GOT2: variants seen among roughly 807,000 people sequenced by gnomAD.
GOT2 encodes aspartate aminotransferase, mitochondrial.
Under a neutral mutation model 50.0 loss-of-function variants are expected in GOT2, and 17 were observed. The observed-to-expected ratio is 0.34, with a 90% confidence interval of 0.23 to 0.51. GOT2 has a LOEUF of 0.51. GOT2 is among the 20% of genes least tolerant of loss of function. GOT2 has a pLI of 0.97. For missense variants in GOT2, 430 were observed against 559.6 expected, an observed-to-expected ratio of 0.77 and a Z score of 2.34; for synonymous variants, 172 against 204.9, an observed-to-expected ratio of 0.84 and a Z score of 1.37.
chr16:58,728,974 A>G (rs950695964), intron 1 of GOT2, among the ~76,000 whole-genome samples: 1 of 152,138 alleles, frequency 6.6e-6, no homozygotes, highest in African/African-American at 2.4e-5. Flanking sequence ...GGCGTGAGCT[A>G]CCGCACCCGG....
At chr16:58,716,319 C>T (rs1047110061) in intron 7 of GOT2, 140 bp from the exon 8 acceptor site, 45 of 822,242 alleles carry the variant, frequency 5.5e-5, no homozygotes, top group Admixed American at 9.4e-5. Context: ...AAGCTTTCAA[C>T]AACCAGAGTG....
At chr16:58,716,945 A>C in intron 6 of GOT2, 132 bp from the exon 7 acceptor site, 1 of 733,162 alleles carries the variant, frequency 1.4e-6, no homozygotes, top group Non-Finnish European at 2.2e-6. Context: ...TCTGGGGCTA[A>C]CGTAATCCTG....
At chr16:58,725,571 C>T (rs2044777272) in intron 1 of GOT2, among the ~76,000 whole-genome samples, 1 of 152,046 alleles carries the variant, frequency 6.6e-6, no homozygotes, top group South Asian at 2.1e-4. Context: ...ATTTATATAC[C>T]TTTGTTTATT....
chr16:58,713,349 C>CTA (rs1435433603), intron 8 of GOT2, among the ~76,000 whole-genome samples: 1 of 152,018 alleles, frequency 6.6e-6, no homozygotes, highest in Non-Finnish European at 1.5e-5. Flanking sequence ...CCATAAAGAA[C>CTA]TACCCTGAGC....
intron 8 of GOT2, among the ~76,000 whole-genome samples, chr16:58,714,968 T>C (rs2044680183): frequency 6.6e-6 from 1 of 151,208 alleles, no homozygotes; most frequent in Admixed American, 6.6e-5. Flanking sequence ...CAGACTTAAA[T>C]ATATTTCTTA....
In GOT2 at chr16:58,734,157, CGCGGCGGCGAGGCCCGGGTGGAAG is replaced by C. The variant is rs753256036; in HGVS notation, c.48_71del (p.Phe17_Ala24del). The C allele has an allele frequency of 1.5e-5, 20 of 1,333,524 alleles. No individual in the cohort carries two copies. Among genetic ancestry groups the C allele is most frequent in the South Asian group, 2.5e-5 (1 of 40,280 alleles). The allele number at this position is 1,333,524 out of a possible 1,614,324, so 82.6% of individuals were successfully genotyped here. ...TGGCTTACCTGGCTCTGGCAGAGGCCGCGGCGGCGAGGCCCGGGTGGAAGGCGGCGGCGATCCCGGGGAGGACGC... is the reference window on the plus strand; with the variant it reads ...TGGCTTACCTGGCTCTGGCAGAGGCCGCGGCGGCGATCCCGGGGAGGACGC... On this transcript the variant is annotated inframe_deletion, in exon 1 of 10. Transcript: ENST00000245206.
chr16:58,707,376 G>A lies in GOT2; in HGVS notation c.*795C>T. The A allele has an allele frequency of 6.6e-6, 1 of 152,314 alleles. No individual in the cohort carries two copies. Among genetic ancestry groups the A allele is most frequent in the Non-Finnish European group, 1.5e-5 (1 of 68,034 alleles). The allele number at this position is 152,314 out of a possible 1,614,324, so 9.4% of individuals were successfully genotyped here. On this transcript the variant is annotated 3_prime_UTR_variant, in exon 10 of 10. Transcript: ENST00000245206. ...GGGCAGAGACAACATCCCAACTGGA[G>A]AAACTTGCACTATCATTCAAGAGGA...
intron 6 of GOT2, among the ~76,000 whole-genome samples, chr16:58,717,203 G>T (rs1176341649): frequency 6.6e-6 from 1 of 152,076 alleles, no homozygotes; most frequent in Non-Finnish European, 1.5e-5. Flanking sequence ...GTGAGATGCT[G>T]TCTCTGTGAA....
chr16:58,709,410 C>T lies in GOT2; in HGVS notation c.1170+7G>A. 1 of 1,587,554 alleles carries T rather than the reference C, an allele frequency of 6.3e-7. No individual in the cohort carries two copies. Among genetic ancestry groups the T allele is most frequent in the Non-Finnish European group, 8.6e-7 (1 of 1,158,944 alleles). ...TGGTCTGCTGCAGAGAAATCAGAAT[C>T]ACTCACCTGTTCAGGCTTTAGCCCT... On this transcript the variant is annotated splice_region_variant and intron_variant, in intron 9 of 9. Coordinates refer to ENST00000245206, the MANE Select transcript of GOT2 (RefSeq NM_002080.4).
chr16:58,711,232 G>C (rs559109730), intron 8 of GOT2, among the ~76,000 whole-genome samples: 2 of 152,230 alleles, frequency 1.3e-5, no homozygotes, highest in South Asian at 4.1e-4. Context: ...ACCAAGTATG[G>C]AATACGGCCA....
intron 1 of GOT2, chr16:58,733,894 G>A: frequency 2.5e-6 from 1 of 392,772 alleles, no homozygotes; most frequent in Non-Finnish European, 4.5e-6. Flanking sequence ...TGCGTTGCAC[G>A]CCTTCCTGCA....
At chr16:58,720,545 T>C (rs1299242217) in intron 3 of GOT2, among the ~76,000 whole-genome samples, 3 of 151,842 alleles carry the variant, frequency 2.0e-5, no homozygotes, top group Non-Finnish European at 2.9e-5. Context: ...TCACTGTAGG[T>C]CCGATGATAC....
intron 3 of GOT2, among the ~76,000 whole-genome samples, chr16:58,720,772 G>A (rs941154894): frequency 4.0e-5 from 6 of 151,864 alleles, no homozygotes; most frequent in African/African-American, 1.2e-4. Flanking sequence ...AGAGACGGGG[G>A]GGCGGGTCTC....
At chr16:58,719,515 T>C (rs547217865) in intron 3 of GOT2, among the ~76,000 whole-genome samples, 31 of 152,216 alleles carry the variant, frequency 2.0e-4, no homozygotes, top group Admixed American at 9.2e-4. Flanking sequence ...CCCAGAACTT[T>C]AGGAGGCCAA....
chr16:58,709,298 CAA>C lies in GOT2; in HGVS notation c.1170+117_1170+118del. ...AAAACAAAAACAAAACAAAACAAAA[CAA>C]AACAAAACAAAAAACCCGAAAACAT... On this transcript the variant is annotated intron_variant, in intron 9 of 9. Transcript: ENST00000245206. The C allele has an allele frequency of 6.6e-6, 6 of 909,768 alleles. No individual in the cohort carries two copies. The South Asian group carries it at 1.0e-4, about 15-fold the overall frequency. The allele number at this position is 909,768 out of a possible 1,614,324, so 56.4% of individuals were successfully genotyped here.
At chr16:58,714,477 G>A (rs1225277705) in intron 8 of GOT2, among the ~76,000 whole-genome samples, 1 of 151,320 alleles carries the variant, frequency 6.6e-6, no homozygotes, top group African/African-American at 2.4e-5. Flanking sequence ...GCGTGAACCC[G>A]GGAGGCGGAG....
Position 58,716,634 on chromosome 16 carries a change from C to T in GOT2, c.853+29G>A, listed in dbSNP as rs748799019. ...GTGGCATTCTCTCCCAGCATGAGAG[C>T]ATGTGTCATGCTGGATGCTGTAGCT... On this transcript the variant is annotated intron_variant, in intron 7 of 9. Coordinates refer to ENST00000245206, the MANE Select transcript of GOT2 (RefSeq NM_002080.4). 3.8e-6 allele frequency: 6 copies of T among 1,599,508 alleles called. No individual in the cohort carries two copies. In the East Asian group the frequency reaches 1.1e-4, roughly 30 times the overall value.
intron 5 of GOT2, 32 bp downstream of exon 5, chr16:58,718,495 T>C (rs765085528): frequency 1.3e-6 from 2 of 1,546,172 alleles, no homozygotes; most frequent in South Asian, 1.3e-5. Flanking sequence ...AGGAGTTTTA[T>C]TCACCTCTCT....
chr16:58,723,476 G>C (rs1476328906), intron 2 of GOT2, among the ~76,000 whole-genome samples: 1 of 152,166 alleles, frequency 6.6e-6, no homozygotes, highest in Non-Finnish European at 1.5e-5. Context: ...AGTAGGCATA[G>C]CTAAGCATTT....
Sources: gnomAD v4.1 joint callset for allele counts (sites outside exome capture counted in the v4.1 genomes callset) on GRCh38, gnomAD v4.1.1 for gene constraint, MANE v1.5 for transcripts, NCBI Gene and HGNC (gene_info 2026-07-23, HGNC 2026-07-21) for gene names.